Variants in IGF1R observed in about 807,000 individuals in gnomAD.
The protein encoded by IGF1R is insulin like growth factor 1 receptor.
Under a neutral mutation model 144.6 loss-of-function variants are expected in IGF1R, and 44 were observed. The observed-to-expected ratio is 0.30, with a 90% CI of 0.24 to 0.39. The LOEUF (loss-of-function observed/expected upper bound fraction) is 0.39. Among genes scored for constraint, IGF1R ranks in the 10% least tolerant of loss-of-function variants. IGF1R has a pLI of 1.00. For missense variants in IGF1R, 1,355 were observed against 1,833.7 expected (o/e 0.74, Z 4.77); for synonymous variants, 795 against 722.8 (o/e 1.10, Z -1.60).
At chr15:98,853,704 G>A (rs552676244) in intron 2 of IGF1R, among the ~76,000 whole-genome samples, 9 of 152,350 alleles carry the variant, frequency 5.9e-5, no homozygotes, top group African/African-American at 1.9e-4. Flanking sequence ...GGAATTTCAG[G>A]AACATGTTGC....
chr15:98,949,340 G>T lies in IGF1R; in HGVS notation c.3722+632G>T, dbSNP rs192093899. Among the ~76,000 whole-genome samples the T allele has an allele frequency of 2.6e-3, 393 of 151,514 alleles. 2 individuals carry two copies. Among genetic ancestry groups the T allele is most frequent in the African/African-American group, 9.2e-3 (378 of 41,230 alleles). On this transcript the variant is annotated intron_variant, in intron 20 of 20. Transcript: ENST00000650285. ...GTGTGAGCTGACATCCCTGCGGACA[G>T]AAGGATGCCAGTGCTGGTGAATTTG...
intron 2 of IGF1R, among the ~76,000 whole-genome samples, chr15:98,790,422 C>A (rs2056103261): frequency 6.6e-6 from 1 of 152,184 alleles, no homozygotes; most frequent in African/African-American, 2.4e-5. Context: ...ATAAGCTCCT[C>A]ATGAAAGCAT....
At chr15:98,679,575 C>G (rs574128995) in intron 1 of IGF1R, among the ~76,000 whole-genome samples, 1 of 152,306 alleles carries the variant, frequency 6.6e-6, no homozygotes, top group South Asian at 2.1e-4. Context: ...GGTGTAAGCC[C>G]ACTGTGCTTC....
At chr15:98,745,701 G>C in intron 2 of IGF1R, among the ~76,000 whole-genome samples, 1 of 152,156 alleles carries the variant, frequency 6.6e-6, no homozygotes, top group Admixed American at 6.5e-5. Flanking sequence ...AGAAACTTCC[G>C]TTTTCTCTTT....
chr15:98,953,892 T>C (rs1482271591), intron 20 of IGF1R, among the ~76,000 whole-genome samples: 3 of 152,126 alleles, frequency 2.0e-5, no homozygotes. Context: ...GGAAGGGCGC[T>C]CCTGCTCAGT....
chr15:98,666,513 A>G (rs2052742040), intron 1 of IGF1R, among the ~76,000 whole-genome samples: 1 of 152,260 alleles, frequency 6.6e-6, no homozygotes. Context: ...GTGGATAAAC[A>G]AAATGTGGTC....
chr15:98,779,058 T>C (rs945928764), intron 2 of IGF1R, among the ~76,000 whole-genome samples: 1 of 152,232 alleles, frequency 6.6e-6, no homozygotes, highest in African/African-American at 2.4e-5. Context: ...AGCATCACTG[T>C]CAGATAATTG....
intron 2 of IGF1R, among the ~76,000 whole-genome samples, chr15:98,767,389 T>A (rs2055460486): frequency 6.6e-6 from 1 of 152,204 alleles, no homozygotes; most frequent in South Asian, 2.1e-4. Context: ...CTATGAAGGA[T>A]GGAAGGGCAT....
intron 1 of IGF1R, among the ~76,000 whole-genome samples, chr15:98,694,539 G>C (rs74032526): frequency 2.0e-5 from 3 of 151,884 alleles, no homozygotes; most frequent in East Asian, 1.9e-4. Flanking sequence ...GACTCAGGGT[G>C]GGGGGGATGC....
intron 1 of IGF1R, among the ~76,000 whole-genome samples, chr15:98,673,994 G>A (rs539600242): frequency 6.6e-6 from 1 of 152,310 alleles, no homozygotes; most frequent in Non-Finnish European, 1.5e-5. Context: ...TAAGGACTTC[G>A]ACAAGTTTCA....
At chr15:98,888,438 A>AGTGTGTGTGTGTGTGTGTGT (rs1191582086) in intron 2 of IGF1R, among the ~76,000 whole-genome samples, 1 of 143,354 alleles carries the variant, frequency 7.0e-6, no homozygotes, top group South Asian at 2.3e-4. Flanking sequence ...AGAGAGAGAG[A>AGTGTGTGTGTGTGTGTGTGT]GTGTGTGTGT....
At chr15:98,830,104 T>C (rs1033759820) in intron 2 of IGF1R, among the ~76,000 whole-genome samples, 2 of 152,242 alleles carry the variant, frequency 1.3e-5, no homozygotes, top group African/African-American at 2.4e-5. Context: ...ATCTCTTTCT[T>C]CTTCCTTCAG....
chr15:98,830,244 G>C (rs2056975349), intron 2 of IGF1R, among the ~76,000 whole-genome samples: 1 of 152,220 alleles, frequency 6.6e-6, no homozygotes, highest in Non-Finnish European at 1.5e-5. Context: ...AGTTCTCAGA[G>C]AACTCATCTC....
chr15:98,945,781 T>C (rs1035412834), intron 19 of IGF1R, among the ~76,000 whole-genome samples: 7 of 152,058 alleles, frequency 4.6e-5, no homozygotes, highest in Admixed American at 4.6e-4. Flanking sequence ...GATGGTTCAG[T>C]GTCCACACCT....
chr15:98,867,052 G>A (rs565338829), intron 2 of IGF1R, among the ~76,000 whole-genome samples: 1 of 152,100 alleles, frequency 6.6e-6, no homozygotes, highest in South Asian at 2.1e-4. Context: ...AGACAAGGAG[G>A]CAGACACCAA....
At chr15:98,755,248 G>A (rs899336861) in intron 2 of IGF1R, among the ~76,000 whole-genome samples, 2 of 151,996 alleles carry the variant, frequency 1.3e-5, no homozygotes, top group African/African-American at 2.4e-5. Flanking sequence ...ATTTAGGTCA[G>A]TTGCTGCGGA....
chr15:98,786,529 C>G lies in IGF1R; in HGVS notation c.640+78422C>G, dbSNP rs375629981. On this transcript the variant is annotated intron_variant, in intron 2 of 20. Coordinates refer to ENST00000650285, the MANE Select transcript of IGF1R (RefSeq NM_000875.5). ...CAGTGCTTGCTTTGTGCTCCTTTGC[C>G]TATTTGAAGACGTGGATGAATCAAA... Among the ~76,000 whole-genome samples the G allele has an allele frequency of 2.3e-3, 355 of 152,280 alleles. 1 individual carries two copies. Among genetic ancestry groups the G allele is most frequent in the African/African-American group, 8.2e-3 (341 of 41,560 alleles).
At chr15:98,743,538 A>G (rs755296886) in intron 2 of IGF1R, among the ~76,000 whole-genome samples, 1 of 152,232 alleles carries the variant, frequency 6.6e-6, no homozygotes, top group African/African-American at 2.4e-5. Context: ...AAGGCCAGAC[A>G]TGATGCCATG....
Position 98,832,174 on chromosome 15 carries a change from T to C in IGF1R, c.641-59151T>C, listed in dbSNP as rs138656801. On this transcript the variant is annotated intron_variant, in intron 2 of 20. Coordinates refer to ENST00000650285, the MANE Select transcript of IGF1R (RefSeq NM_000875.5). ...TTTGTCTTCTGTCCCTCTACTTCTATGTAATTCTATTATTATGCACAGATT... is the reference window on the plus strand; with the variant it reads ...TTTGTCTTCTGTCCCTCTACTTCTACGTAATTCTATTATTATGCACAGATT... Among the ~76,000 whole-genome samples the C allele has an allele frequency of 9.9e-3, 1,502 of 152,288 alleles. 26 individuals carry two copies. Among genetic ancestry groups the C allele is most frequent in the African/African-American group, 0.034 (1,427 of 41,544 alleles).
Sources: allele counts gnomAD v4.1 joint callset (sites outside exome capture counted in the v4.1 genomes callset), GRCh38; gene constraint gnomAD v4.1.1; transcripts MANE v1.5; gene names NCBI Gene and HGNC (gene_info 2026-07-23, HGNC 2026-07-21).